IQGAP2: variants seen among roughly 807,000 people sequenced by gnomAD.
The protein encoded by IQGAP2 is ras GTPase-activating-like protein IQGAP2.
In IQGAP2, 173 loss-of-function variants were observed where a neutral mutation model predicts 201.3. That is an observed-to-expected ratio of 0.86 (90% CI 0.76 to 0.98). The LOEUF is 0.98. Among genes scored for constraint, IQGAP2 ranks in the 50% least tolerant of loss-of-function variants. The probability of loss-of-function intolerance (pLI) is 0.00; values close to 1 mark genes in which losing one functional copy is unlikely to be tolerated. For missense variants in IQGAP2, 1,687 were observed against 1,864.8 expected, an observed-to-expected ratio of 0.90 and a Z score of 1.76; for synonymous variants, 675 against 673.9, an observed-to-expected ratio of 1.00 and a Z score of -0.03.
intron 1 of IQGAP2, among the ~76,000 whole-genome samples, chr5:76,417,359 T>A (rs909639158): frequency 6.6e-6 from 1 of 152,142 alleles, no homozygotes; most frequent in African/African-American, 2.4e-5. Context: ...GCGGGATCTC[T>A]GCTTACTGCA....
At chr5:76,552,448 T>C (rs1743625583) in intron 2 of IQGAP2, among the ~76,000 whole-genome samples, 1 of 152,214 alleles carries the variant, frequency 6.6e-6, no homozygotes, top group African/African-American at 2.4e-5. Flanking sequence ...ATTTTTTCTT[T>C]AATTTCTCTC....
chr5:76,535,768 A>G (rs1759587124), intron 2 of IQGAP2, among the ~76,000 whole-genome samples: 1 of 152,200 alleles, frequency 6.6e-6, no homozygotes, highest in Non-Finnish European at 1.5e-5. Flanking sequence ...GAGCAGGGCT[A>G]CCCTACCGGC....
At chr5:76,676,077 TCA>T (rs34099080) in intron 27 of IQGAP2, among the ~76,000 whole-genome samples, 52,029 of 135,246 alleles carry the variant, frequency 0.38, 9,683 homozygotes, top group Middle Eastern at 0.44. Context: ...TAAGACTCTG[TCA>T]CACACACACA....
chr5:76,683,863 G>C lies in IQGAP2; in HGVS notation c.3851G>C (p.Ser1284Thr). Residue 1284 changes from serine to threonine, a missense_variant, in exon 30 of 36, where the codon AGC (serine) becomes ACC (threonine). By Grantham distance (58) the Ser-to-Thr change is moderately conservative (BLOSUM62 1). Transcript: ENST00000274364. ...ACCGAGATTTCTCTTGTCTTGACAA[G>C]CAAATATGACATAGAGGACGGTGAA... is the stretch of plus-strand genomic sequence containing the variant. ...SKTEISLVLT[S>T]KYDIEDGEAI... 6 of 1,613,458 alleles carry C rather than the reference G, an allele frequency of 3.7e-6. No individual in the cohort carries two copies. The highest frequency in any genetic ancestry group is 5.1e-6 in the Non-Finnish European group (6 of 1,179,664).
At chr5:76,499,781 C>T (rs1757175838) in intron 2 of IQGAP2, among the ~76,000 whole-genome samples, 1 of 152,026 alleles carries the variant, frequency 6.6e-6, no homozygotes, top group South Asian at 2.1e-4. Flanking sequence ...AGAATAGGCT[C>T]ACAGTAAGAA....
chr5:76,656,536 AC>A (rs1261501983), intron 20 of IQGAP2, among the ~76,000 whole-genome samples: 2 of 152,102 alleles, frequency 1.3e-5, no homozygotes, highest in Non-Finnish European at 2.9e-5. Context: ...CTGAGCCCTA[AC>A]ACTAAAATAT....
rs1746017071 is a variant in IQGAP2 at position 76,583,463 on chromosome 5, G to T, written c.459-5443G>T. On this transcript the variant is annotated intron_variant, in intron 5 of 35. Transcript: ENST00000274364. ...AATGATTTAAAAAAAAAGAAAAAAA[G>T]TTGAAAATTGAGGCCAAACAGAAAC... 1.3e-5 allele frequency among the ~76,000 whole-genome samples: 2 copies of T among 152,012 alleles called. 1 individual carries two copies. The highest frequency in any genetic ancestry group is 4.2e-4 in the South Asian group (2 of 4,818).
intron 13 of IQGAP2, among the ~76,000 whole-genome samples, chr5:76,620,739 A>C (rs768275694): frequency 2.0e-5 from 3 of 152,190 alleles, no homozygotes; most frequent in Admixed American, 6.5e-5. Context: ...AGGGGTAATG[A>C]CAGATTTTAA....
intron 1 of IQGAP2, among the ~76,000 whole-genome samples, chr5:76,412,185 T>G (rs7718641): frequency 0.43 from 66,065 of 152,118 alleles, 15,135 homozygotes; most frequent in Non-Finnish European, 0.5. Context: ...TTAATTTACT[T>G]TTGATAAAAG....
chr5:76,459,070 C>A (rs1327564580), intron 1 of IQGAP2, among the ~76,000 whole-genome samples: 1 of 151,972 alleles, frequency 6.6e-6, no homozygotes, highest in African/African-American at 2.4e-5. Context: ...AGGTAGGATC[C>A]CACTAGATGG....
intron 2 of IQGAP2, among the ~76,000 whole-genome samples, chr5:76,524,434 C>G (rs909812148): frequency 6.6e-5 from 10 of 152,136 alleles, no homozygotes; most frequent in African/African-American, 2.2e-4. Flanking sequence ...CAGCACCCAG[C>G]ATTTGAGAAT....
rs114413189 is a variant in IQGAP2 at position 76,425,357 on chromosome 5, A to C, written c.46+21766A>C. Among the ~76,000 whole-genome samples the C allele has an allele frequency of 3.9e-3, 594 of 152,254 alleles. 6 individuals are homozygous for C. Among genetic ancestry groups the C allele is most frequent in the African/African-American group, 0.012 (512 of 41,540 alleles). On this transcript the variant is annotated intron_variant, in intron 1 of 35. Coordinates refer to ENST00000274364, the MANE Select transcript of IQGAP2 (RefSeq NM_006633.5). ...CTTTATTTACTACCCTCTGTTATAC[A>C]TAAACTTTTGAAGTCTGAATAGCAA...
In IQGAP2 at chr5:76,661,952, T is replaced by G. The variant is rs185268563; in HGVS notation, c.2530-3074T>G. The stretch of plus-strand genomic sequence containing the variant: ...GCAATACTGAGATGGGGGACTATCA[T>G]GAACAAGCCAAATACGGTTGCTCTT... On this transcript the variant is annotated intron_variant, in intron 21 of 35. Transcript: ENST00000274364. Among the ~76,000 whole-genome samples the G allele has an allele frequency of 1.1e-4, 16 of 152,358 alleles. No homozygotes were observed. In the South Asian group the frequency reaches 1.2e-3, roughly 12 times the overall value.
intron 26 of IQGAP2, 123 bp downstream of exon 26, chr5:76,674,159 G>C: frequency 1.5e-6 from 1 of 647,312 alleles, no homozygotes; most frequent in Non-Finnish European, 2.8e-6. Context: ...CAGGTCTTCT[G>C]TTTCTAATGA....
At chr5:76,496,725 T>TTTCTTTCTTTTC (rs201757003) in intron 2 of IQGAP2, among the ~76,000 whole-genome samples, 1 of 93,588 alleles carries the variant, frequency 1.1e-5, no homozygotes, top group Non-Finnish European at 2.0e-5. Flanking sequence ...TCTTTCTTTC[T>TTTCTTTCTTTTC]TTTCTTTCTT....
intron 1 of IQGAP2, among the ~76,000 whole-genome samples, chr5:76,447,428 C>G (rs1339879635): frequency 6.6e-6 from 1 of 152,080 alleles, no homozygotes; most frequent in East Asian, 1.9e-4. Flanking sequence ...CTTTGGGTCC[C>G]CTCCCATTTT....
intron 25 of IQGAP2, 39 bp downstream of exon 25, chr5:76,673,628 G>T: frequency 6.2e-7 from 1 of 1,604,616 alleles, no homozygotes; most frequent in African/African-American, 1.3e-5. Context: ...TTCTTTCCTG[G>T]AACGTTCTTG....
chr5:76,482,106 G>A (rs1021531712), intron 2 of IQGAP2, among the ~76,000 whole-genome samples: 2 of 152,184 alleles, frequency 1.3e-5, no homozygotes, highest in African/African-American at 4.8e-5. Flanking sequence ...AACTCACCAA[G>A]TACTTACGCA....
At chr5:76,406,795 TGATTGCA>T (rs1750820682) in intron 1 of IQGAP2, among the ~76,000 whole-genome samples, 1 of 151,304 alleles carries the variant, frequency 6.6e-6, no homozygotes, top group Non-Finnish European at 1.5e-5. Context: ...GGGTCTCCAA[TGATTGCA>T]TAGGCAAGAA....
Sources: gnomAD v4.1 joint callset for allele counts (sites outside exome capture counted in the v4.1 genomes callset) on GRCh38, gnomAD v4.1.1 for gene constraint, MANE v1.5 for transcripts, NCBI Gene and HGNC (gene_info 2026-07-23, HGNC 2026-07-21) for gene names.